Variants in PABPN1L observed in about 807,000 individuals in gnomAD.
The protein encoded by PABPN1L is embryonic polyadenylate-binding protein 2.
Under a neutral mutation model 34.0 loss-of-function variants are expected in PABPN1L, and 45 were observed. The observed-to-expected ratio is 1.32, with a 90% confidence interval of 1.04 to 1.70. The LOEUF is 1.70. PABPN1L is among the 40% of genes most tolerant of loss of function. PABPN1L has a pLI of 0.00. For missense variants in PABPN1L, 459 were observed against 367.8 expected, an observed-to-expected ratio of 1.25 and a Z score of -2.03; for synonymous variants, 182 against 152.1, an observed-to-expected ratio of 1.20 and a Z score of -1.45.
At chr16:88,869,351 C>A (rs1052988511), upstream of PABPN1L, among the ~76,000 whole-genome samples, 7 of 152,332 alleles carry the variant, frequency 4.6e-5, no homozygotes, top group African/African-American at 1.7e-4. Context: ...CACACACTTA[C>A]GTGTGCGTGG....
upstream of PABPN1L, among the ~76,000 whole-genome samples, chr16:88,869,765 C>T (rs903952057): frequency 2.6e-5 from 4 of 152,262 alleles, no homozygotes; most frequent in Admixed American, 6.5e-5. Context: ...GCTCGGGCCC[C>T]GGCCATGGAA....
chr16:88,866,411 C>G (rs1383320308), exon 1 of PABPN1L: 1 of 1,551,266 alleles, frequency 6.4e-7, no homozygotes, highest in Non-Finnish European at 8.7e-7. Context: ...AGCAGAAAGC[C>G]TGCATCCCCA....
chr16:88,865,900 C>T (rs533324058), exon 2 of PABPN1L: 20 of 1,609,512 alleles, frequency 1.2e-5, no homozygotes, highest in Middle Eastern at 1.8e-4. Flanking sequence ...TCCCCTCGGC[C>T]TGCTCCATGG....
chr16:88,864,716 C>G, intron 5 of PABPN1L, 137 bp downstream of exon 5: 1 of 1,036,102 alleles, frequency 9.7e-7, no homozygotes, highest in African/African-American at 1.6e-5. Flanking sequence ...CCCGCCACAT[C>G]CTGTCCAGGC....
At position 88,865,649 on chromosome 16, in the gene PABPN1L, A is replaced by G; in HGVS notation, c.392-19T>C. 6.3e-7 allele frequency: 1 copy of G among 1,591,360 alleles called. No homozygotes were observed. Among genetic ancestry groups the G allele is most frequent in the Non-Finnish European group, 8.6e-7 (1 of 1,168,000 alleles). On this transcript the variant is annotated intron_variant, in intron 2 of 6. Coordinates refer to ENST00000419291, the Ensembl canonical transcript of PABPN1L. ...GGGCAGCCTGCGGAGAACACAGCTC[A>G]GGCCCGCAGGCCCTTGGTTCCTTCC...
chr16:88,869,814 A>G (rs1475825216), upstream of PABPN1L, among the ~76,000 whole-genome samples: 1 of 152,212 alleles, frequency 6.6e-6, no homozygotes, highest in Non-Finnish European at 1.5e-5. Context: ...TTGCTGACAC[A>G]CAAGGCCCGG....
At chr16:88,868,474 C>T (rs774079888), upstream of PABPN1L, among the ~76,000 whole-genome samples, 8 of 152,114 alleles carry the variant, frequency 5.3e-5, no homozygotes, top group African/African-American at 1.4e-4. Flanking sequence ...GGCATGGTGG[C>T]GGGCGCCTGT....
intron 5 of PABPN1L, 100 bp from the exon 6 acceptor site, chr16:88,864,479 G>A (rs774064289): frequency 4.1e-5 from 59 of 1,436,520 alleles, no homozygotes; most frequent in Admixed American, 5.4e-5. Flanking sequence ...GGTCCTGCCC[G>A]GCTCAGGATA....
At chr16:88,868,740 C>T (rs938982910), upstream of PABPN1L, among the ~76,000 whole-genome samples, 8 of 152,286 alleles carry the variant, frequency 5.3e-5, no homozygotes, top group African/African-American at 1.9e-4. Context: ...TCCTTTGAAT[C>T]TCTGATTGGC....
chr16:88,867,128 G>A (rs1415163998), upstream of PABPN1L, among the ~76,000 whole-genome samples: 1 of 152,044 alleles, frequency 6.6e-6, no homozygotes, highest in Non-Finnish European at 1.5e-5. Flanking sequence ...GCGGGGTCCT[G>A]GGCCCAGAGG....
exon 7 of PABPN1L, chr16:88,863,774 T>A (rs1207771596): frequency 2.0e-6 from 3 of 1,535,890 alleles, no homozygotes; most frequent in African/African-American, 2.7e-5. Context: ...GTGAAAACCA[T>A]GGTGAGAATT....
At chr16:88,866,694 T>A, upstream of PABPN1L, 1 of 1,437,910 alleles carries the variant, frequency 7.0e-7, no homozygotes, top group Non-Finnish European at 9.1e-7. Context: ...CCTGGAGTTT[T>A]AAGCCCTCCC....
At position 88,863,805 on chromosome 16, in the gene PABPN1L, G is replaced by T; in HGVS notation, c.798-10C>A. ...GAATTTTCCACGGGCCCTGCACGGA[G>T]AGAGAACACACACTGAGTGGCCTTC... On this transcript the variant is annotated splice_polypyrimidine_tract_variant and intron_variant, in intron 6 of 6. Coordinates refer to ENST00000419291, the Ensembl canonical transcript of PABPN1L. 1 of 1,535,748 alleles carries T rather than the reference G, an allele frequency of 6.5e-7. No individual in the cohort carries two copies. The highest frequency in any genetic ancestry group is 8.7e-7 in the Non-Finnish European group (1 of 1,146,660).
At chr16:88,864,180 CT>C in intron 6 of PABPN1L, 56 bp downstream of exon 6, 15 of 1,510,348 alleles carry the variant, frequency 9.9e-6, no homozygotes, top group Non-Finnish European at 1.2e-5. Context: ...CCTCCTGCCC[CT>C]GATGCCCTCC....
At chr16:88,865,427 C>G in intron 3 of PABPN1L, 136 bp downstream of exon 3, 7 of 1,125,462 alleles carry the variant, frequency 6.2e-6, no homozygotes, top group Non-Finnish European at 8.8e-6. Context: ...CCAGTGTTTC[C>G]TCAAGGTGAC....
chr16:88,864,565 TGCAGAGGGGGGGGTCAC>T (rs1968539187), intron 5 of PABPN1L, among the ~76,000 whole-genome samples, 186 bp from the exon 6 acceptor site: 2 of 131,740 alleles, frequency 1.5e-5, no homozygotes, highest in East Asian at 2.5e-4. Flanking sequence ...CCAGCACCCC[TGCAGAGGGGGGGGTCAC>T]GGCCAGCACC....
At chr16:88,864,856 G>T in exon 5 of PABPN1L, 1 of 1,588,064 alleles carries the variant, frequency 6.3e-7, no homozygotes, top group African/African-American at 1.4e-5. Context: ...GGCGCACCTT[G>T]ATGACCCGGC....
rs751492744 is a variant in PABPN1L at position 88,865,772 on chromosome 16, T to G, written c.391+34A>C. 1.3e-5 allele frequency: 20 copies of G among 1,583,364 alleles called. No homozygotes were observed. The African/African-American group carries it at 2.3e-4, about 18-fold the overall frequency. ...TTAATGGAAACTGTGGGACCCTTGC[T>G]CAGTGGGGGGCGGCCTGTGCCCTTG... On this transcript the variant is annotated intron_variant, in intron 2 of 6. Transcript: ENST00000419291.
At chr16:88,869,902 C>A (rs1968666106), upstream of PABPN1L, among the ~76,000 whole-genome samples, 1 of 152,232 alleles carries the variant, frequency 6.6e-6, no homozygotes, top group South Asian at 2.1e-4. Flanking sequence ...TTCAAATACA[C>A]CCTGTTCCAG....
Sources: gnomAD v4.1 joint callset for allele counts (sites outside exome capture counted in the v4.1 genomes callset) on GRCh38, gnomAD v4.1.1 for gene constraint, MANE v1.5 for transcripts, NCBI Gene and HGNC (gene_info 2026-07-23, HGNC 2026-07-21) for gene names.